The following IL1R1 variants were observed in gnomAD, a reference collection of about 807,000 sequenced individuals.
IL1R1 encodes interleukin-1 receptor type 1.
Under a neutral mutation model 50.2 loss-of-function variants are expected in IL1R1, and 22 were observed. The observed-to-expected ratio is 0.44, with a 90% CI of 0.31 to 0.63. The LOEUF is 0.63. Among genes scored for constraint, IL1R1 ranks in the 20% least tolerant of loss-of-function variants. The pLI is 0.07. For synonymous variants in IL1R1, 251 were observed against 236.7 expected, an observed-to-expected ratio of 1.06 and a Z score of -0.55; for missense variants, 509 against 676.2, an observed-to-expected ratio of 0.75 and a Z score of 2.74.
At chr2:102,113,847 T>C (rs887998) in intron 1 of IL1R1, among the ~76,000 whole-genome samples, 128,261 of 152,222 alleles carry the variant, frequency 0.84, 54,329 homozygotes, top group East Asian at 0.92. Flanking sequence ...TTATGATTTT[T>C]GATTTGTCTC....
chr2:102,108,890 G>T (rs1680577870), intron 1 of IL1R1, among the ~76,000 whole-genome samples: 1 of 151,202 alleles, frequency 6.6e-6, no homozygotes, highest in Admixed American at 6.6e-5. Flanking sequence ...GCTCAGTGCT[G>T]GGCTGCAAAA....
chr2:102,095,895 C>A, intron 1 of IL1R1, among the ~76,000 whole-genome samples: 1 of 151,952 alleles, frequency 6.6e-6, no homozygotes, highest in East Asian at 1.9e-4. Flanking sequence ...CCCAGCTACT[C>A]GGGAGGCCGA....
At chr2:102,098,633 T>C (rs1484055794) in intron 1 of IL1R1, among the ~76,000 whole-genome samples, 1 of 152,102 alleles carries the variant, frequency 6.6e-6, no homozygotes, top group Admixed American at 6.5e-5. Context: ...ATGAAAGCCA[T>C]ATAATAGCAT....
intron 1 of IL1R1, among the ~76,000 whole-genome samples, chr2:102,150,769 A>G (rs572748920): frequency 3.0e-4 from 45 of 152,356 alleles, no homozygotes; most frequent in African/African-American, 1.0e-3. Flanking sequence ...GGGTCTGGAC[A>G]TCAGCATCTC....
intron 1 of IL1R1, among the ~76,000 whole-genome samples, chr2:102,151,263 C>A (rs1279349766): frequency 6.6e-6 from 1 of 152,148 alleles, no homozygotes; most frequent in Non-Finnish European, 1.5e-5. Context: ...GGATTCTACC[C>A]TCTCTTATAT....
intron 8 of IL1R1, 113 bp downstream of exon 8, chr2:102,172,031 CTTTTTTTTTT>C: frequency 1.3e-4 from 11 of 85,318 alleles, no homozygotes; most frequent in Non-Finnish European, 1.9e-4. Flanking sequence ...CCTTTGCTGC[CTTTTTTTTTT>C]TTTTTTTTTT....
chr2:102,076,036 A>AT (rs1559448887), intron 1 of IL1R1, among the ~76,000 whole-genome samples: 1 of 152,158 alleles, frequency 6.6e-6, no homozygotes, highest in African/African-American at 2.4e-5. Flanking sequence ...TTGTGTTATT[A>AT]TTGCTGCACA....
intron 9 of IL1R1, among the ~76,000 whole-genome samples, chr2:102,173,339 T>C (rs953827256): frequency 2.6e-5 from 4 of 152,228 alleles, no homozygotes; most frequent in Admixed American, 2.6e-4. Flanking sequence ...ATTGAAAGTA[T>C]TTGTGAAACA....
At chr2:102,082,962 C>T (rs1679279466) in intron 1 of IL1R1, among the ~76,000 whole-genome samples, 1 of 152,168 alleles carries the variant, frequency 6.6e-6, no homozygotes, top group Non-Finnish European at 1.5e-5. Flanking sequence ...GTTTGGACCT[C>T]AGCCAATTTT....
At chr2:102,072,132 T>C (rs1423328688) in intron 1 of IL1R1, among the ~76,000 whole-genome samples, 5 of 151,996 alleles carry the variant, frequency 3.3e-5, no homozygotes, top group East Asian at 1.9e-4. Context: ...TGGTGGCCTG[T>C]GCCTGTAATC....
intron 1 of IL1R1, among the ~76,000 whole-genome samples, chr2:102,074,140 T>G (rs1678857815): frequency 6.6e-6 from 1 of 152,200 alleles, no homozygotes; most frequent in South Asian, 2.1e-4. Flanking sequence ...GTTCAAATAT[T>G]AAGAATTTTG....
intron 1 of IL1R1, among the ~76,000 whole-genome samples, chr2:102,118,791 G>A (rs1157731375): frequency 6.6e-6 from 1 of 152,124 alleles, no homozygotes; most frequent in Non-Finnish European, 1.5e-5. Context: ...GCCAAGGTGG[G>A]AGGATCATGA....
chr2:102,166,016 A>G, intron 5 of IL1R1, 97 bp from the exon 6 acceptor site: 3 of 1,013,034 alleles, frequency 3.0e-6, no homozygotes, highest in Non-Finnish European at 4.4e-6. Context: ...TAAAAATATA[A>G]CATTTGCTAA....
intron 1 of IL1R1, among the ~76,000 whole-genome samples, chr2:102,082,853 T>TA (rs1196360154): frequency 6.6e-6 from 1 of 152,148 alleles, no homozygotes; most frequent in Non-Finnish European, 1.5e-5. Flanking sequence ...CAGAGATTGT[T>TA]AAGAGTTTTA....
chr2:102,072,262 C>CAAA (rs1203487362), intron 1 of IL1R1, among the ~76,000 whole-genome samples: 1 of 78,626 alleles, frequency 1.3e-5, no homozygotes. Flanking sequence ...TCTGTGTCAC[C>CAAA]AAAAAAAAAA....
At chr2:102,167,286 A>G (rs867740646) in intron 6 of IL1R1, among the ~76,000 whole-genome samples, 6 of 151,980 alleles carry the variant, frequency 3.9e-5, no homozygotes, top group East Asian at 1.9e-4. Context: ...GTGAATCCCA[A>G]TTTTCAATGG....
chr2:102,093,759 G>A (rs1045700278), intron 1 of IL1R1, among the ~76,000 whole-genome samples: 12 of 152,122 alleles, frequency 7.9e-5, no homozygotes, highest in South Asian at 4.1e-4. Flanking sequence ...GGTGTCAGCC[G>A]CCCCACTCCC....
In IL1R1 at chr2:102,106,215, G is replaced by A. The variant is rs1260746112; in HGVS notation, c.-84+1343G>A. On this transcript the variant is annotated intron_variant, in intron 1 of 10. Coordinates refer to the IL1R1 transcript ENST00000409329. The stretch of plus-strand genomic sequence containing the variant: ...CATGGCATTCACCCATGAGACAGCT[G>A]GAGAACAGTGACGTGTGTGTCTCTG... Among the ~76,000 whole-genome samples the A allele has an allele frequency of 2.6e-5, 4 of 152,074 alleles. No individual in the cohort carries two copies. In the East Asian group the frequency reaches 7.7e-4, roughly 29 times the overall value.
chr2:102,088,482 G>T (rs541151784), intron 1 of IL1R1, among the ~76,000 whole-genome samples: 1 of 152,124 alleles, frequency 6.6e-6, no homozygotes, highest in East Asian at 1.9e-4. Flanking sequence ...AGTAAACCAT[G>T]CTGTAAACAG....
Sources: allele counts gnomAD v4.1 joint callset (sites outside exome capture counted in the v4.1 genomes callset), GRCh38; gene constraint gnomAD v4.1.1; transcripts MANE v1.5; gene names NCBI Gene and HGNC (gene_info 2026-07-23, HGNC 2026-07-21).